Variants in ZZEF1 observed in about 807,000 individuals in gnomAD.
The protein encoded by ZZEF1 is zinc finger ZZ-type and EF-hand domain containing 1, also known as zinc finger ZZ-type and EF-hand domain-containing protein 1.
A neutral mutation model predicts 342.8 loss-of-function variants in ZZEF1; 157 were observed. The observed-to-expected ratio is 0.46, with a 90% CI of 0.40 to 0.52. ZZEF1 has a LOEUF of 0.52. ZZEF1 is among the 20% of genes least tolerant of loss of function. The probability of loss-of-function intolerance (pLI) is 0.00; values close to 1 mark genes in which losing one functional copy is unlikely to be tolerated. For missense variants in ZZEF1, 3,480 were observed against 3,725.6 expected (o/e 0.93, Z 1.72); for synonymous variants, 1,505 against 1,429.1 (o/e 1.05, Z -1.20).
chr17:4,077,889 C>G lies in ZZEF1; in HGVS notation c.2983G>C (p.Glu995Gln). The change falls in exon 19 of 55, where the codon GAA becomes CAA. Residue 995 changes from glutamate to glutamine, a missense_variant. Transcript: ENST00000381638. Reference protein sequence around the residue: ...GAKDLAVDLIEKYVGQFLASM... With the variant: ...GAKDLAVDLIQKYVGQFLASM... ...ATTTTATATTGAAACTCACATTTTTCAATAAGGTCCACGGCAAGATCTTTG... is the reference window on the plus strand; with the variant it reads ...ATTTTATATTGAAACTCACATTTTTGAATAAGGTCCACGGCAAGATCTTTG... 6.2e-7 allele frequency: 1 copy of G among 1,612,922 alleles called. No homozygotes were observed. Among genetic ancestry groups the G allele is most frequent in the Non-Finnish European group, 8.5e-7 (1 of 1,179,586 alleles).
Position 4,075,501 on chromosome 17 carries a change from TTCTC to T in ZZEF1, c.3235-76_3235-73del, listed in dbSNP as rs1420972321. 2.4e-5 allele frequency: 37 copies of T among 1,545,530 alleles called. No homozygotes were observed. The East Asian group carries it at 8.1e-4, about 34-fold the overall frequency. On this transcript the variant is annotated intron_variant, in intron 21 of 54. Transcript: ENST00000381638. ...CACCTAGCCACATGCAGCAGACTGT[TTCTC>T]TATCAGTGCTCCAGGCAGATGGCCT...
intron 40 of ZZEF1, 32 bp from the exon 41 acceptor site, chr17:4,033,034 C>G (rs1300143779): frequency 6.5e-7 from 1 of 1,534,594 alleles, no homozygotes; most frequent in Admixed American, 2.0e-5. Context: ...AGGGGCAGTA[C>G]ACAGGGCTCC....
chr17:4,109,491 T>G (rs1305856539), intron 6 of ZZEF1, among the ~76,000 whole-genome samples, 162 bp downstream of exon 6: 1 of 152,102 alleles, frequency 6.6e-6, no homozygotes. Flanking sequence ...AGAGATACAC[T>G]GTGGAGCTGA....
Position 4,008,893 on chromosome 17 carries a change from C to G in ZZEF1, c.8795G>C (p.Cys2932Ser), listed in dbSNP as rs759235157. The G allele has an allele frequency of 1.8e-5, 28 of 1,547,026 alleles. No homozygotes were observed. The highest frequency in any genetic ancestry group is 1.7e-4 in the Middle Eastern group (1 of 6,010). Reference protein sequence around the residue: ...ALTTDDHLLRCAAQALQNIAA... With the variant: ...ALTTDDHLLRSAAQALQNIAA... ...GGGTGGAGAGAGTACCTGTGCCGCA[C>G]AGCGGAGAAGGTGGTCGTCCGTGGT... The change falls in exon 54 of 55, where the codon TGT (cysteine) becomes TCT (serine). Residue 2932 changes from cysteine to serine, a missense_variant. Cys to Ser is a moderately radical substitution (Grantham distance 112). Transcript: ENST00000381638. The surrounding 1 kb of genome is among the most constrained non-coding windows in gnomAD (Gnocchi z 4.2).
intron 9 of ZZEF1, among the ~76,000 whole-genome samples, chr17:4,097,562 A>G (rs1288208963): frequency 6.6e-6 from 1 of 151,714 alleles, no homozygotes; most frequent in Non-Finnish European, 1.5e-5. Flanking sequence ...TATGGTCTCT[A>G]AACTATTTTA....
chr17:4,101,687 C>A (rs961147843), intron 9 of ZZEF1, among the ~76,000 whole-genome samples: 1 of 152,108 alleles, frequency 6.6e-6, no homozygotes, highest in African/African-American at 2.4e-5. Context: ...AAGGCAGTGG[C>A]GGGATCTCAG....
At chr17:4,064,283 T>C (rs1365726609) in intron 29 of ZZEF1, 78 bp downstream of exon 29, 2 of 1,116,706 alleles carry the variant, frequency 1.8e-6, no homozygotes, top group Admixed American at 2.3e-5. Flanking sequence ...GTTTTTAACA[T>C]GAACTTCAAG....
intron 26 of ZZEF1, among the ~76,000 whole-genome samples, chr17:4,068,929 A>C (rs956193961): frequency 6.6e-6 from 1 of 152,270 alleles, no homozygotes; most frequent in Admixed American, 6.5e-5. Context: ...ACTCAGAAAT[A>C]GTCCTTAGAC....
chr17:4,025,155 A>G (rs760987021), intron 42 of ZZEF1, 37 bp from the exon 43 acceptor site: 39 of 1,595,004 alleles, frequency 2.4e-5, no homozygotes, highest in East Asian at 6.7e-5. Context: ...GAAAGGCACA[A>G]AAGTACAGTT....
intron 31 of ZZEF1, among the ~76,000 whole-genome samples, chr17:4,058,882 C>A (rs770394861): frequency 6.6e-6 from 1 of 151,954 alleles, no homozygotes; most frequent in Non-Finnish European, 1.5e-5. Flanking sequence ...TCAAAACAAA[C>A]CAAAAAATCC....
chr17:4,105,398 A>T (rs1246543838), intron 7 of ZZEF1, among the ~76,000 whole-genome samples: 1 of 152,162 alleles, frequency 6.6e-6, no homozygotes, highest in Non-Finnish European at 1.5e-5. Context: ...GTTCTGAGTG[A>T]GGGAAGGCTA....
At chr17:4,085,439 ACT>A (rs1278653389) in intron 16 of ZZEF1, among the ~76,000 whole-genome samples, 4 of 152,178 alleles carry the variant, frequency 2.6e-5, no homozygotes, top group Admixed American at 2.6e-4. Flanking sequence ...AGGAGACTAC[ACT>A]GTCACTTTGT....
intron 20 of ZZEF1, 25 bp downstream of exon 20, chr17:4,076,843 A>G: frequency 6.2e-7 from 1 of 1,613,830 alleles, no homozygotes; most frequent in Non-Finnish European, 8.5e-7. Flanking sequence ...CCGGTTCTTT[A>G]CAAATAGCTG....
At position 4,064,472 on chromosome 17, in the gene ZZEF1, A is replaced by G. The variant is rs904093675; in HGVS notation, c.4607T>C (p.Leu1536Pro). 3.1e-6 allele frequency: 5 copies of G among 1,614,020 alleles called. No individual in the cohort carries two copies. Among genetic ancestry groups the G allele is most frequent in the East Asian group, 4.5e-5 (2 of 44,888 alleles). Residue 1536 changes from leucine to proline, a missense_variant, in exon 29 of 55, where the codon CTC becomes CCC. Coordinates refer to ENST00000381638, the MANE Select transcript of ZZEF1 (RefSeq NM_015113.4). ...GGCCTCCTCCATGGATCGAAAGGAGAGCAGCCGGAGTCGCCCTCGGGTGAA... is the reference window on the plus strand; with the variant it reads ...GGCCTCCTCCATGGATCGAAAGGAGGGCAGCCGGAGTCGCCCTCGGGTGAA... ...PPFTRGRLRL[L>P]SFRSMEEARL...
intron 40 of ZZEF1, 113 bp downstream of exon 40, chr17:4,033,902 C>T: frequency 7.2e-7 from 1 of 1,398,486 alleles, no homozygotes; most frequent in Non-Finnish European, 9.8e-7. Flanking sequence ...AACTCTCAGA[C>T]AACACAACTG....
At position 4,114,334 on chromosome 17, in the gene ZZEF1, C is replaced by T; in HGVS notation, c.831G>A (p.Trp277Ter). 6.2e-7 allele frequency: 1 copy of T among 1,608,432 alleles called. No homozygotes were observed. The highest frequency in any genetic ancestry group is 1.1e-5 in the South Asian group (1 of 89,716). ...KMTNGETSSY[W>*]QSDGSACSHW... ...GTGAACAGGCACTGCCATCTGACTG[C>T]CAGTAGGATGAGGTTTCTCCATTTG... The change falls in exon 4 of 55, where the codon TGG (tryptophan) becomes TGA (stop). Residue 277 changes from tryptophan to a stop codon, truncating the protein, a stop_gained. Transcript: ENST00000381638. LOFTEE classifies it high-confidence loss of function.
At chr17:4,050,686 C>T (rs867858235) in intron 36 of ZZEF1, 95 bp downstream of exon 36, 4 of 1,557,592 alleles carry the variant, frequency 2.6e-6, no homozygotes, top group Middle Eastern at 1.7e-4. Context: ...TGGATGTTGC[C>T]ACCTGTAAAC....
chr17:4,026,544 G>A (rs1377498683), intron 42 of ZZEF1, among the ~76,000 whole-genome samples: 3 of 150,040 alleles, frequency 2.0e-5, no homozygotes, highest in African/African-American at 7.4e-5. Flanking sequence ...TTTTGAGACG[G>A]AGTTTTTGCT....
Position 4,032,274 on chromosome 17 carries a change from C to G in ZZEF1, c.6760-16G>C. The G allele has an allele frequency of 6.2e-7, 1 of 1,603,952 alleles. No individual in the cohort carries two copies. Among genetic ancestry groups the G allele is most frequent in the Non-Finnish European group, 8.5e-7 (1 of 1,177,176 alleles). Reference sequence around the variant, plus strand: ...CACAGAGGACCTAGAACGTGGTAGACAGAGACAGAAAGGCAACTCAAACAT... The same window carrying G: ...CACAGAGGACCTAGAACGTGGTAGAGAGAGACAGAAAGGCAACTCAAACAT... On this transcript the variant is annotated splice_polypyrimidine_tract_variant and intron_variant, in intron 41 of 54. Transcript: ENST00000381638.
Sources: gnomAD v4.1 joint callset for allele counts (sites outside exome capture counted in the v4.1 genomes callset) on GRCh38, gnomAD v4.1.1 for gene constraint, Gnocchi (gnomAD v3.1) non-coding constraint, MANE v1.5 for transcripts, NCBI Gene and HGNC (gene_info 2026-07-23, HGNC 2026-07-21) for gene names.